Variants in AKAP13 observed in about 807,000 individuals in gnomAD.
AKAP13 encodes A-kinase anchoring protein 13.
A neutral mutation model predicts 264.5 loss-of-function variants in AKAP13; 80 were observed. That is an observed-to-expected ratio of 0.30 (90% CI 0.25 to 0.36). The LOEUF (loss-of-function observed/expected upper bound fraction) is 0.36, where lower values mean the gene tolerates loss of function less well. Among genes scored for constraint, AKAP13 ranks in the 10% least tolerant of loss-of-function variants. AKAP13 has a pLI of 1.00. For synonymous variants in AKAP13, 1,380 were observed against 1,250.2 expected (o/e 1.10, Z -2.19); for missense variants, 3,712 against 3,435.2 (o/e 1.08, Z -2.01).
intron 1 of AKAP13, among the ~76,000 whole-genome samples, chr15:85,466,664 C>T (rs2074753037): frequency 1.3e-5 from 2 of 152,160 alleles, no homozygotes; most frequent in African/African-American, 4.8e-5. Flanking sequence ...TATCCCTCTT[C>T]CCATTTGTAC....
chr15:85,595,449 C>T lies in AKAP13; in HGVS notation c.4161+9626C>T, dbSNP rs1421203214. On this transcript the variant is annotated intron_variant, in intron 8 of 36. Coordinates refer to ENST00000394518, the MANE Select transcript of AKAP13 (RefSeq NM_007200.5). ...AGGTATCCTTTTTGCCCTCAGCATA[C>T]CTAGAATCTAGTTAAATTTAAAAAA... 3.3e-5 allele frequency among the ~76,000 whole-genome samples: 5 copies of T among 152,196 alleles called. No individual in the cohort carries two copies. The East Asian group carries it at 9.7e-4, about 29-fold the overall frequency.
chr15:85,694,728 G>A (rs1353081922), intron 17 of AKAP13, among the ~76,000 whole-genome samples: 1 of 152,180 alleles, frequency 6.6e-6, no homozygotes, highest in Non-Finnish European at 1.5e-5. Flanking sequence ...CTTCTGGTCA[G>A]AGGTGACAGT....
Position 85,441,892 on chromosome 15 carries a change from C to A in AKAP13, c.-11-43818C>A, listed in dbSNP as rs574223668. Among the ~76,000 whole-genome samples the A allele has an allele frequency of 3.3e-5, 5 of 152,134 alleles. No individual in the cohort carries two copies. In the East Asian group the frequency reaches 9.7e-4, roughly 29 times the overall value. ...AAAGGAGTTTGTCTTGGGTCTTGGC[C>A]TTATTGTAGGGAGCTTTTCTATCAT... On this transcript the variant is annotated intron_variant, in intron 1 of 36. Coordinates refer to ENST00000394518, the MANE Select transcript of AKAP13 (RefSeq NM_007200.5).
chr15:85,627,678 G>C (rs1393297617), intron 8 of AKAP13: 1 of 152,144 alleles, frequency 6.6e-6, no homozygotes, highest in Non-Finnish European at 1.5e-5. Context: ...ATACTGTTGG[G>C]CTTTTTGTGT....
At chr15:85,434,538 A>C (rs1167431692) in intron 1 of AKAP13, among the ~76,000 whole-genome samples, 5 of 152,042 alleles carry the variant, frequency 3.3e-5, no homozygotes, top group Non-Finnish European at 5.9e-5. Flanking sequence ...AAACAAAAAG[A>C]CAGCAGTAAC....
At chr15:85,438,963 C>T (rs1213776667) in intron 1 of AKAP13, among the ~76,000 whole-genome samples, 2 of 144,458 alleles carry the variant, frequency 1.4e-5, no homozygotes, top group Non-Finnish European at 3.1e-5. Context: ...CCAAAATTGA[C>T]AAATGGGATC....
intron 23 of AKAP13, among the ~76,000 whole-genome samples, chr15:85,721,372 G>A (rs2087270849): frequency 6.6e-6 from 1 of 152,164 alleles, no homozygotes; most frequent in Non-Finnish European, 1.5e-5. Flanking sequence ...TGTTGCCTCT[G>A]GAGGTTTGTA....
At chr15:85,420,388 C>T (rs947881051) in intron 1 of AKAP13, among the ~76,000 whole-genome samples, 1 of 152,138 alleles carries the variant, frequency 6.6e-6, no homozygotes, top group Non-Finnish European at 1.5e-5. Context: ...GGATTGATGG[C>T]TTCCCTAGCC....
intron 17 of AKAP13, among the ~76,000 whole-genome samples, chr15:85,707,491 T>C (rs1259271659): frequency 6.6e-6 from 1 of 152,216 alleles, no homozygotes; most frequent in Non-Finnish European, 1.5e-5. Flanking sequence ...AGTTAAGCTT[T>C]TCAGATTTTA....
intron 3 of AKAP13, 128 bp from the exon 4 acceptor site, chr15:85,533,456 G>A: frequency 2.5e-6 from 2 of 810,694 alleles, no homozygotes; most frequent in South Asian, 2.9e-5. Flanking sequence ...GAGCTCAAGA[G>A]GAAGGAGGGG....
At position 85,506,399 on chromosome 15, in the gene AKAP13, A is replaced by G. The variant is rs549062986; in HGVS notation, c.34-15029A>G. On this transcript the variant is annotated intron_variant, in intron 2 of 36. Coordinates refer to ENST00000394518, the MANE Select transcript of AKAP13 (RefSeq NM_007200.5). ...GAACAACGAGACATACCTTTAGGCA[A>G]TGATGTAGCATTGAATAAAACAAAT... Among the ~76,000 whole-genome samples the G allele has an allele frequency of 3.3e-5, 5 of 152,344 alleles. No individual in the cohort carries two copies. The South Asian group carries it at 6.2e-4, about 19-fold the overall frequency.
At chr15:85,505,934 C>T (rs2076208071) in intron 2 of AKAP13, among the ~76,000 whole-genome samples, 3 of 152,124 alleles carry the variant, frequency 2.0e-5, no homozygotes, top group African/African-American at 7.2e-5. Context: ...ATACCCAGAC[C>T]ATTAGACTCT....
chr15:85,693,989 A>G (rs2085432433), intron 17 of AKAP13, among the ~76,000 whole-genome samples: 5 of 152,214 alleles, frequency 3.3e-5, no homozygotes, highest in Admixed American at 3.3e-4. Flanking sequence ...GTTTATGTGG[A>G]TGTAGCCTCA....
intron 12 of AKAP13, among the ~76,000 whole-genome samples, chr15:85,660,531 G>T (rs2083296540): frequency 6.6e-6 from 1 of 152,112 alleles, no homozygotes; most frequent in Non-Finnish European, 1.5e-5. Context: ...TGGTTTGGCA[G>T]TGTATGTTCA....
At chr15:85,449,778 G>A (rs2074020341) in intron 1 of AKAP13, among the ~76,000 whole-genome samples, 1 of 152,172 alleles carries the variant, frequency 6.6e-6, no homozygotes. Context: ...ACTTGATCAT[G>A]GTGGATTAGC....
chr15:85,709,125 AT>A (rs1439448698), intron 18 of AKAP13, among the ~76,000 whole-genome samples: 63 of 152,242 alleles, frequency 4.1e-4, no homozygotes, highest in Admixed American at 4.1e-3. Flanking sequence ...CTCTTTCAAA[AT>A]CATGTTTTAT....
In AKAP13 at chr15:85,579,230, A is replaced by G. The variant is rs767973733; in HGVS notation, c.1162A>G (p.Ile388Val). ...AGGGGAAGAGGTGGAGCCAGCACCT[A>G]TTGTGGACTCTGGAACTGTATCTGA... ...RKGEEVEPAP[I>V]VDSGTVSDQD... is the part of the protein sequence containing the mutation. The change falls in exon 7 of 37, where the codon ATT (isoleucine) becomes GTT (valine). Residue 388 changes from isoleucine to valine, a missense_variant. Transcript: ENST00000394518. 3.7e-6 allele frequency: 6 copies of G among 1,614,098 alleles called. No homozygotes were observed. The highest frequency in any genetic ancestry group is 2.2e-5 in the East Asian group (1 of 44,894).
At chr15:85,672,469 G>A (rs963429528) in intron 14 of AKAP13, among the ~76,000 whole-genome samples, 11 of 152,250 alleles carry the variant, frequency 7.2e-5, no homozygotes, top group Middle Eastern at 3.4e-3. Flanking sequence ...CTTAAGCATC[G>A]GGATAACTGA....
intron 4 of AKAP13, among the ~76,000 whole-genome samples, chr15:85,540,380 G>A (rs552667381): frequency 2.4e-4 from 36 of 152,284 alleles, no homozygotes; most frequent in Admixed American, 3.9e-4. Context: ...AGATCAACTG[G>A]TTAGGGGCTT....
Sources: allele counts gnomAD v4.1 joint callset (sites outside exome capture counted in the v4.1 genomes callset), GRCh38; gene constraint gnomAD v4.1.1; transcripts MANE v1.5; gene names NCBI Gene and HGNC (gene_info 2026-07-23, HGNC 2026-07-21).